CNN3: variants seen among roughly 807,000 people sequenced by gnomAD.
The protein encoded by CNN3 is calponin 3, also known as calponin-3.
CNN3 carries 11 observed loss-of-function variants against 39.0 expected under a neutral mutation model. The ratio of observed to expected loss-of-function variants is 0.28; its 90% confidence interval spans 0.18 to 0.47. The LOEUF (loss-of-function observed/expected upper bound fraction) is 0.47. Among genes scored for constraint, CNN3 ranks in the 20% least tolerant of loss-of-function variants. The probability of loss-of-function intolerance (pLI) is 0.99; values close to 1 mark genes in which losing one functional copy is unlikely to be tolerated. For missense variants in CNN3, 266 were observed against 403.4 expected (o/e 0.66, Z 2.92); for synonymous variants, 101 against 138.3 (o/e 0.73, Z 1.89).
In CNN3 at chr1:94,897,293, A is replaced by G. The variant is rs979381205; in HGVS notation, c.*449T>C. 11 of 156,060 alleles carry G rather than the reference A, an allele frequency of 7.0e-5. No homozygotes were observed. Among genetic ancestry groups the G allele is most frequent in the Non-Finnish European group, 1.1e-4 (8 of 70,470 alleles). The allele number at this position is 156,060 out of a possible 1,614,324, so 9.7% of individuals were successfully genotyped here. On this transcript the variant is annotated 3_prime_UTR_variant, in exon 7 of 7. Transcript: ENST00000370206. ...GTAAATTTCTAAAATGCTGCATCTT[A>G]AATTTAGTTGGCAAAGACCACATTT...
chr1:94,925,843 T>A, intron 1 of CNN3: 1 of 984,924 alleles, frequency 1.0e-6, no homozygotes. Context: ...ATGAGCGTTC[T>A]GTGCACAGTT....
In CNN3 at chr1:94,926,982, CCGCGGGGGATG is replaced by C. The variant is rs1671604474; in HGVS notation, c.-99_-89del. Reference sequence around the variant, plus strand: ...CGCTCCTGGCCCCGAGGAGTGGCCGCCGCGGGGGATGCTCGAACTCCCTCCTCTGGGAGGCG... The same window carrying C: ...CGCTCCTGGCCCCGAGGAGTGGCCGCCTCGAACTCCCTCCTCTGGGAGGCG... On this transcript the variant is annotated 5_prime_UTR_variant, in exon 1 of 7. Coordinates refer to ENST00000370206, the MANE Select transcript of CNN3 (RefSeq NM_001839.5). This position sits in a 1 kb window ranked among gnomAD's most constrained non-coding sequence, Gnocchi z 4.2. 9 of 1,423,882 alleles carry C rather than the reference CCGCGGGGGATG, an allele frequency of 6.3e-6. No individual in the cohort carries two copies. The highest frequency in any genetic ancestry group is 8.7e-6 in the Non-Finnish European group (9 of 1,033,088). 88.2% of individuals were successfully genotyped at this position (1,423,882 alleles called of 1,614,324 possible). A position where few individuals can be genotyped will look rare whatever the true frequency, so the allele number is the denominator to read the frequency against.
intron 1 of CNN3, among the ~76,000 whole-genome samples, chr1:94,912,503 G>T (rs1228027365): frequency 6.6e-6 from 1 of 152,110 alleles, no homozygotes; most frequent in Non-Finnish European, 1.5e-5. Context: ...GAGTGTGCAA[G>T]CAAGCACTCA....
intron 1 of CNN3, among the ~76,000 whole-genome samples, chr1:94,906,951 T>C (rs914952387): frequency 1.3e-5 from 2 of 152,338 alleles, no homozygotes; most frequent in Admixed American, 1.3e-4. Context: ...AATATCCTAG[T>C]AGATCCCAGT....
At position 94,926,157 on chromosome 1, in the gene CNN3, TAA is replaced by T. The variant is rs886162934; in HGVS notation, c.57+679_57+680del. On this transcript the variant is annotated intron_variant, in intron 1 of 6. Coordinates refer to ENST00000370206, the MANE Select transcript of CNN3 (RefSeq NM_001839.5). The surrounding 1 kb of genome is among the most constrained non-coding windows in gnomAD (Gnocchi z 4.2). ...GTACTTCAAACTTCTCAGTGTTTCA[TAA>T]AAAGTCTCAAGCCTAAGCAGATATC... Among the ~76,000 whole-genome samples the T allele has an allele frequency of 7.9e-5, 12 of 152,212 alleles. No individual in the cohort carries two copies. The highest frequency in any genetic ancestry group is 2.9e-4 in the African/African-American group (12 of 41,454).
chr1:94,901,558 C>T (rs1670869124), intron 5 of CNN3, 111 bp downstream of exon 5: 1 of 665,110 alleles, frequency 1.5e-6, no homozygotes, highest in Admixed American at 2.6e-5. Context: ...CTACACCCCC[C>T]CCCCAGTACT....
intron 1 of CNN3, among the ~76,000 whole-genome samples, chr1:94,916,078 T>C (rs961048461): frequency 6.6e-6 from 1 of 152,168 alleles, no homozygotes; most frequent in African/African-American, 2.4e-5. Context: ...TAATTGAACC[T>C]GCTGCCAGCC....
rs7539654 is a variant in CNN3 at position 94,904,286 on chromosome 1, T to C, written c.58-762A>G. ...TATGCTATTATACATGGTAAAACTATTAAACATAAGTTTTGAAAGATCCCT... is the reference window on the plus strand; with the variant it reads ...TATGCTATTATACATGGTAAAACTACTAAACATAAGTTTTGAAAGATCCCT... On this transcript the variant is annotated intron_variant, in intron 1 of 6. Transcript: ENST00000370206. 4.4e-4 allele frequency among the ~76,000 whole-genome samples: 66 copies of C among 150,798 alleles called. 1 individual carries two copies. Among genetic ancestry groups the C allele is most frequent in the African/African-American group, 1.5e-3 (62 of 40,960 alleles).
chr1:94,898,212 A>AAGCT, intron 6 of CNN3, 129 bp from the exon 7 acceptor site: 1 of 937,756 alleles, frequency 1.1e-6, no homozygotes, highest in South Asian at 1.8e-5. Flanking sequence ...TTCAGGGGTA[A>AAGCT]AGCTAGCTTA....
chr1:94,897,465 C>A lies in CNN3; in HGVS notation c.*277G>T. On this transcript the variant is annotated 3_prime_UTR_variant, in exon 7 of 7. Transcript: ENST00000370206. ...ATGCATAGATTTTTGCATAAAAGAACTGGCTGTACAAGAGTACTCCCCTTT... is the reference window on the plus strand; with the variant it reads ...ATGCATAGATTTTTGCATAAAAGAAATGGCTGTACAAGAGTACTCCCCTTT... 4.0e-6 allele frequency: 1 copy of A among 250,124 alleles called. No individual in the cohort carries two copies. Among genetic ancestry groups the A allele is most frequent in the Admixed American group, 5.0e-5 (1 of 20,056 alleles). The allele number at this position is 250,124 out of a possible 1,614,324, so 15.5% of individuals were successfully genotyped here.
intron 5 of CNN3, among the ~76,000 whole-genome samples, chr1:94,901,070 C>T (rs1223047671): frequency 1.3e-5 from 2 of 152,006 alleles, no homozygotes; most frequent in African/African-American, 4.8e-5. Context: ...AAAGATAAAA[C>T]AGGCCAGGTG....
chr1:94,917,750 T>C (rs1452635901), intron 1 of CNN3, among the ~76,000 whole-genome samples: 2 of 152,218 alleles, frequency 1.3e-5, no homozygotes, highest in Non-Finnish European at 2.9e-5. Context: ...TTCAAAGCAG[T>C]ACAAGCACTT....
intron 5 of CNN3, 117 bp from the exon 6 acceptor site, chr1:94,899,634 G>A: frequency 9.7e-7 from 1 of 1,030,366 alleles, no homozygotes; most frequent in Non-Finnish European, 1.4e-6. Context: ...AAGTTACTGA[G>A]CTGAGGCTCC....
chr1:94,924,609 C>T (rs750373718), intron 1 of CNN3, among the ~76,000 whole-genome samples: 1 of 151,948 alleles, frequency 6.6e-6, no homozygotes, highest in Non-Finnish European at 1.5e-5. Flanking sequence ...GGCGACAGAG[C>T]AAGACTCCGT....
chr1:94,925,015 C>T (rs959690813), intron 1 of CNN3, among the ~76,000 whole-genome samples: 1 of 152,176 alleles, frequency 6.6e-6, no homozygotes, highest in Non-Finnish European at 1.5e-5. Context: ...TAAATATTTA[C>T]AATAATTACA....
chr1:94,916,811 G>T (rs941254368), intron 1 of CNN3, among the ~76,000 whole-genome samples: 1 of 152,190 alleles, frequency 6.6e-6, no homozygotes, highest in Non-Finnish European at 1.5e-5. Context: ...ACATCAGAAG[G>T]TTACTGGGAA....
At chr1:94,909,075 A>C (rs569036124) in intron 1 of CNN3, among the ~76,000 whole-genome samples, 3 of 152,010 alleles carry the variant, frequency 2.0e-5, no homozygotes, top group Non-Finnish European at 4.4e-5. Flanking sequence ...TGAAGCCAGG[A>C]GTTCCAGGTT....
At chr1:94,907,999 C>T (rs1557910910) in intron 1 of CNN3, among the ~76,000 whole-genome samples, 1 of 152,244 alleles carries the variant, frequency 6.6e-6, no homozygotes, top group African/African-American at 2.4e-5. Flanking sequence ...TCTTTCAAAT[C>T]CACAGCAGCC....
Position 94,906,226 on chromosome 1 carries a change from G to A in CNN3, c.58-2702C>T, listed in dbSNP as rs187981584. On this transcript the variant is annotated intron_variant, in intron 1 of 6. Coordinates refer to ENST00000370206, the MANE Select transcript of CNN3 (RefSeq NM_001839.5). ...TCGAACTCCTGACCTCAGGTGATCC[G>A]CCTGCCTCGGCCTCCCAAAGTGCTG... 1.9e-3 allele frequency among the ~76,000 whole-genome samples: 294 copies of A among 151,580 alleles called. 1 individual carries two copies. Among genetic ancestry groups the A allele is most frequent in the African/African-American group, 6.2e-3 (258 of 41,346 alleles).
Sources: allele counts gnomAD v4.1 joint callset (sites outside exome capture counted in the v4.1 genomes callset), GRCh38; gene constraint gnomAD v4.1.1; non-coding constraint Gnocchi (gnomAD v3.1); transcripts MANE v1.5; gene names NCBI Gene and HGNC (gene_info 2026-07-23, HGNC 2026-07-21).